SPMIP2: variants seen among roughly 807,000 people sequenced by gnomAD.
SPMIP2 encodes the protein protein SPMIP2.
At chr4:158,960,103 A>G in the SPMIP2 span, among the ~76,000 whole-genome samples, 8 of 152,200 alleles carry the variant, frequency 5.3e-5, no homozygotes, top group African/African-American at 1.9e-4. Context: ...CCCCTTAATT[A>G]AAATTTAGCA....
chr4:159,070,714 G>A, the SPMIP2 span, among the ~76,000 whole-genome samples: 1 of 152,176 alleles, frequency 6.6e-6, no homozygotes, highest in Non-Finnish European at 1.5e-5. Flanking sequence ...ACTTATTAGA[G>A]AAGAGTGCTG....
chr4:158,977,624 T>C, the SPMIP2 span, among the ~76,000 whole-genome samples: 5 of 137,048 alleles, frequency 3.6e-5, no homozygotes, highest in South Asian at 2.4e-4. Flanking sequence ...TTTTTTTTTT[T>C]TTCTCTTTGA....
chr4:158,923,654 G>C, the SPMIP2 span, among the ~76,000 whole-genome samples: 1 of 152,096 alleles, frequency 6.6e-6, no homozygotes, highest in Non-Finnish European at 1.5e-5. Flanking sequence ...CATGTTATCA[G>C]CAACTAGAGA....
the SPMIP2 span, among the ~76,000 whole-genome samples, chr4:159,071,580 G>A: frequency 6.6e-6 from 1 of 152,224 alleles, no homozygotes; most frequent in Non-Finnish European, 1.5e-5. Flanking sequence ...GCAAGTATCT[G>A]GACTTGGGCC....
chr4:158,980,519 A>G, the SPMIP2 span, among the ~76,000 whole-genome samples: 2 of 152,212 alleles, frequency 1.3e-5, no homozygotes, highest in Non-Finnish European at 2.9e-5. Flanking sequence ...ACAGGCAGCA[A>G]TCTTTGCTGT....
the SPMIP2 span, chr4:158,904,750 G>T: frequency 1.8e-6 from 1 of 551,220 alleles, no homozygotes; most frequent in Non-Finnish European, 3.2e-6. Context: ...TGTGATTGTC[G>T]TGAACACTTT....
At chr4:159,024,322 A>G in the SPMIP2 span, among the ~76,000 whole-genome samples, 1 of 152,204 alleles carries the variant, frequency 6.6e-6, no homozygotes, top group African/African-American at 2.4e-5. Context: ...CTTTGGTCAA[A>G]GGGGGCTTTT....
the SPMIP2 span, among the ~76,000 whole-genome samples, chr4:158,959,442 A>ATT: frequency 1.3e-4 from 20 of 152,066 alleles, no homozygotes; most frequent in East Asian, 2.1e-3. Flanking sequence ...CCACTAAGGT[A>ATT]TTTTTTTTGT....
the SPMIP2 span, among the ~76,000 whole-genome samples, chr4:158,985,372 C>A: frequency 6.8e-6 from 1 of 147,340 alleles, no homozygotes; most frequent in South Asian, 2.2e-4. Context: ...AACATTGATG[C>A]AAAAATCCTC....
At chr4:158,948,945 T>C in the SPMIP2 span, among the ~76,000 whole-genome samples, 375 of 152,298 alleles carry the variant, frequency 2.5e-3, 1 homozygote, top group African/African-American at 8.9e-3. Context: ...TATTCTCTTC[T>C]GATAAATTTT....
the SPMIP2 span, among the ~76,000 whole-genome samples, chr4:159,020,249 T>C: frequency 3.3e-5 from 5 of 152,154 alleles, no homozygotes; most frequent in African/African-American, 1.2e-4. Flanking sequence ...CTCTGTGCAA[T>C]TGTAGAAGAG....
chr4:158,945,559 C>G, the SPMIP2 span, among the ~76,000 whole-genome samples: 4 of 152,160 alleles, frequency 2.6e-5, no homozygotes, highest in Non-Finnish European at 5.9e-5. Flanking sequence ...CAACTACTCT[C>G]TTTCTATTAA....
chr4:159,052,054 A>G, the SPMIP2 span, among the ~76,000 whole-genome samples: 1 of 152,068 alleles, frequency 6.6e-6, no homozygotes, highest in African/African-American at 2.4e-5. Context: ...TTCCCTTGCC[A>G]TCTTTCATTT....
chr4:158,966,057 C>T, the SPMIP2 span, among the ~76,000 whole-genome samples: 1 of 152,198 alleles, frequency 6.6e-6, no homozygotes, highest in South Asian at 2.1e-4. Context: ...GTGAATTCTT[C>T]CCGAGTAGGT....
the SPMIP2 span, among the ~76,000 whole-genome samples, chr4:158,992,968 C>T: frequency 3.0e-4 from 45 of 152,302 alleles, no homozygotes; most frequent in Admixed American, 4.6e-4. Context: ...GAGTCAAAAG[C>T]TCTTAGTTTT....
At chr4:158,962,449 T>C in the SPMIP2 span, among the ~76,000 whole-genome samples, 1 of 152,228 alleles carries the variant, frequency 6.6e-6, no homozygotes, top group Non-Finnish European at 1.5e-5. Flanking sequence ...GCAATGTAAT[T>C]TGAGAATGCA....
At chr4:159,078,771 A>G in the SPMIP2 span, among the ~76,000 whole-genome samples, 1 of 152,218 alleles carries the variant, frequency 6.6e-6, no homozygotes, top group African/African-American at 2.4e-5. Flanking sequence ...CTTGAACATT[A>G]CCTAGTTTCC....
At chr4:158,919,889 G>A in the SPMIP2 span, among the ~76,000 whole-genome samples, 1 of 152,126 alleles carries the variant, frequency 6.6e-6, no homozygotes, top group East Asian at 1.9e-4. Context: ...CACAAAAGAT[G>A]TTCCAGGGTC....
the SPMIP2 span, among the ~76,000 whole-genome samples, chr4:158,914,913 T>C: frequency 5.9e-5 from 9 of 152,338 alleles, no homozygotes; most frequent in Admixed American, 1.3e-4. Context: ...CGCCATTCTC[T>C]CAAGGTTAAA....
Sources: allele counts gnomAD v4.1 joint callset (sites outside exome capture counted in the v4.1 genomes callset), GRCh38; gene constraint gnomAD v4.1.1; transcripts MANE v1.5; gene names NCBI Gene and HGNC (gene_info 2026-07-23, HGNC 2026-07-21).